MDN1: variants seen among roughly 807,000 people sequenced by gnomAD.
MDN1 encodes midasin AAA ATPase 1, also known as midasin.
MDN1 carries 266 observed loss-of-function variants against 669.2 expected under a neutral mutation model. That is an observed-to-expected ratio of 0.40 (90% CI 0.36 to 0.44). The LOEUF is 0.44. Among genes scored for constraint, MDN1 ranks in the 20% least tolerant of loss-of-function variants. The probability of loss-of-function intolerance (pLI) is 1.00; values close to 1 mark genes in which losing one functional copy is unlikely to be tolerated. For missense variants in MDN1, 5,940 were observed against 6,754.0 expected, an observed-to-expected ratio of 0.88 and a Z score of 4.22; for synonymous variants, 2,385 against 2,457.1, an observed-to-expected ratio of 0.97 and a Z score of 0.87.
chr6:89,715,822 TCTTTC>T, intron 44 of MDN1, 53 bp from the exon 45 acceptor site: 1 of 1,199,384 alleles, frequency 8.3e-7, no homozygotes, highest in East Asian at 2.3e-5. Flanking sequence ...CATTGACTCT[TCTTTC>T]CTTCCATGCA....
intron 38 of MDN1, among the ~76,000 whole-genome samples, 174 bp downstream of exon 38, chr6:89,725,025 A>C (rs761815985): frequency 3.3e-5 from 5 of 152,294 alleles, no homozygotes; most frequent in African/African-American, 4.8e-5. Context: ...AAGATGAAGG[A>C]CAGAAGCAAT....
At chr6:89,724,632 A>C (rs1815087254) in intron 38 of MDN1, among the ~76,000 whole-genome samples, 1 of 152,248 alleles carries the variant, frequency 6.6e-6, no homozygotes, top group Non-Finnish European at 1.5e-5. Context: ...CATAAGAGAC[A>C]GTGACACTAA....
rs1554188772 is a variant in MDN1, at chr6:89,734,691, A to AAGAGAGAGAG, written c.4724-1926_4724-1917dup. Among the ~76,000 whole-genome samples, 3 of 112,986 alleles carry AAGAGAGAGAG rather than the reference A, an allele frequency of 2.7e-5. 1 individual carries two copies. Among genetic ancestry groups the AAGAGAGAGAG allele is most frequent in the African/African-American group, 3.5e-5 (1 of 28,874 alleles). The allele number at this position is 112,986 out of a possible 152,430, so 74.1% of individuals were successfully genotyped here. A position where few individuals can be genotyped will look rare whatever the true frequency, so the allele number is the denominator to read the frequency against. On this transcript the variant is annotated intron_variant, in intron 33 of 101. Transcript: ENST00000369393. Reference sequence around the variant, plus strand: ...AGAAGAAAAAAAAAAAAAAAAAAACAAGAGAGAGAGAGAGAGAGAGAGAGA... The same window carrying AAGAGAGAGAG: ...AGAAGAAAAAAAAAAAAAAAAAAACAAGAGAGAGAGAGAGAGAGAGAGAGAGAGAGAGAGA...
intron 26 of MDN1, among the ~76,000 whole-genome samples, chr6:89,748,154 G>A (rs1438544351): frequency 4.6e-5 from 7 of 152,006 alleles, no homozygotes; most frequent in Admixed American, 2.0e-4. Context: ...GTGAAACCCC[G>A]TCTCTACTAA....
intron 80 of MDN1, among the ~76,000 whole-genome samples, chr6:89,672,993 GGAAAACAGACAGTGA>G (rs1477363199): frequency 6.6e-6 from 1 of 152,054 alleles, no homozygotes; most frequent in Non-Finnish European, 1.5e-5. Context: ...TCAATCTAAG[GGAAAACAGACAGTGA>G]GCTGATGCTG....
In MDN1 at chr6:89,707,467, T is replaced by C; in HGVS notation, c.7908A>G (p.Ile2636Met). ...LLESAANKTI[I>M]YLDREKRVFT... ...AAACCCGTTTTTCCCGGTCAAGATA[T>C]ATGATTGTCCTGGAATGAGATTCAA... The change falls in exon 52 of 102, where the codon ATA becomes ATG. Residue 2636 changes from isoleucine to methionine, a missense_variant. Coordinates refer to ENST00000369393, the MANE Select transcript of MDN1 (RefSeq NM_014611.3). The C allele has an allele frequency of 6.2e-7, 1 of 1,606,504 alleles. No homozygotes were observed. Among genetic ancestry groups the C allele is most frequent in the Non-Finnish European group, 8.5e-7 (1 of 1,173,142 alleles).
chr6:89,819,420 G>T, intron 1 of MDN1, 86 bp downstream of exon 1: 1 of 1,265,484 alleles, frequency 7.9e-7, no homozygotes, highest in South Asian at 1.3e-5. Context: ...CACTTAAAGC[G>T]GCGAGTATCG....
At chr6:89,764,672 C>T (rs1817713081) in intron 15 of MDN1, among the ~76,000 whole-genome samples, 1 of 152,026 alleles carries the variant, frequency 6.6e-6, no homozygotes. Context: ...CTAAGTCAAG[C>T]AAGGATGTGA....
Position 89,674,396 on chromosome 6 carries a change from C to T in MDN1, c.12955G>A (p.Gly4319Ser). 1 of 1,614,210 alleles carries T rather than the reference C, an allele frequency of 6.2e-7. No homozygotes were observed. The highest frequency in any genetic ancestry group is 1.7e-5 in the Admixed American group (1 of 60,034). The change falls in exon 79 of 102, where the codon GGC becomes AGC. Residue 4319 changes from glycine to serine, a missense_variant. Around this residue, in one of 5 missense-constraint regions of MDN1, gnomAD observed 2,280 missense variants for 2,576.3 expected, o/e 0.88. Coordinates refer to ENST00000369393, the MANE Select transcript of MDN1 (RefSeq NM_014611.3). ...CCCAGTACCTGGACATTGCCATGGC[C>T]TGGAGCTGGCCCTACACTGGGGCAG... ...QCCPSVGPAPGHGNVQVLGQP... is the reference protein window; with the variant it reads ...QCCPSVGPAPSHGNVQVLGQP...
intron 86 of MDN1, 94 bp downstream of exon 86, chr6:89,662,698 A>G: frequency 7.4e-7 from 1 of 1,348,604 alleles, no homozygotes; most frequent in Non-Finnish European, 1.0e-6. Flanking sequence ...AAACAAATAC[A>G]GAAAAAGAAG....
intron 63 of MDN1, among the ~76,000 whole-genome samples, 199 bp downstream of exon 63, chr6:89,692,244 T>TA (rs1812420819): frequency 1.3e-5 from 2 of 152,154 alleles, no homozygotes; most frequent in Admixed American, 1.3e-4. Context: ...CATTTTTTTT[T>TA]AATCTCTTAA....
intron 53 of MDN1, 69 bp downstream of exon 53, chr6:89,705,990 C>T: frequency 7.2e-7 from 1 of 1,396,976 alleles, no homozygotes; most frequent in Admixed American, 2.2e-5. Context: ...TAGTCTTAGC[C>T]CTAAGAATCT....
chr6:89,790,943 A>C (rs1819236903), intron 5 of MDN1, among the ~76,000 whole-genome samples: 1 of 152,106 alleles, frequency 6.6e-6, no homozygotes, highest in South Asian at 2.1e-4. Flanking sequence ...GAATCACTTG[A>C]ACCCAGAAGG....
Position 89,713,293 on chromosome 6 carries a change from G to A in MDN1, c.7073C>T (p.Ser2358Phe), listed in dbSNP as rs115030787. Reference protein sequence around the residue: ...HTETRSTVVGSPTSSVSTLIQ... With the variant: ...HTETRSTVVGFPTSSVSTLIQ... ...TAGAGTTGATACAGAAGATGTTGGA[G>A]AACCTATTAAAAAAAAATTGCCATC... The change falls in exon 47 of 102, where the codon TCT becomes TTT. Residue 2358 changes from serine to phenylalanine, a missense_variant. Transcript: ENST00000369393. 2.5e-6 allele frequency: 4 copies of A among 1,603,672 alleles called. No individual in the cohort carries two copies. In the East Asian group the frequency reaches 6.7e-5, roughly 27 times the overall value.
Position 89,772,664 on chromosome 6 carries a change from T to G in MDN1, c.1992A>C (p.Ala664=). ...CAGGCTCCCCTTTGCTGACACACAC[T>G]GCAAGCTGCTCGATGAGAACAGAGG... is the stretch of plus-strand genomic sequence containing the variant. ...RPSSVLIEQL[A]VCVSKGEPVL... Residue 664 remains alanine (A), a synonymous_variant, in exon 14 of 102, where the codon GCA becomes GCC. Coordinates refer to ENST00000369393, the MANE Select transcript of MDN1 (RefSeq NM_014611.3). 6.2e-7 allele frequency: 1 copy of G among 1,614,054 alleles called. No homozygotes were observed. The highest frequency in any genetic ancestry group is 8.5e-7 in the Non-Finnish European group (1 of 1,179,956).
rs10706907 is a variant in MDN1, at chr6:89,798,181, C to CAA, written c.330-3382_330-3381dup. 7.3e-3 allele frequency among the ~76,000 whole-genome samples: 524 copies of CAA among 71,400 alleles called. 5 individuals carry two copies. The highest frequency in any genetic ancestry group is 0.019 in the South Asian group (36 of 1,850). The allele number at this position is 71,400 out of a possible 152,430, so 46.8% of individuals were successfully genotyped here. A position where few individuals can be genotyped will look rare whatever the true frequency, so the allele number is the denominator to read the frequency against. On this transcript the variant is annotated intron_variant, in intron 2 of 101. Coordinates refer to ENST00000369393, the MANE Select transcript of MDN1 (RefSeq NM_014611.3). ...TGGGCGACAGAGCGAGACTCTGTCT[C>CAA]AAAAAAAAAAAAAAAAAAAAAGAAA...
rs113812765 is a variant in MDN1 at position 89,712,887 on chromosome 6, A to G, written c.7219-101T>C. On this transcript the variant is annotated intron_variant, in intron 47 of 101. Transcript: ENST00000369393. Reference sequence around the variant, plus strand: ...TAGTCCATGCGACCACCTCACAACAACTTTTAATACACTCTTCAATGAAAA... The same window carrying G: ...TAGTCCATGCGACCACCTCACAACAGCTTTTAATACACTCTTCAATGAAAA... 1.6e-4 allele frequency: 171 copies of G among 1,039,270 alleles called. No individual in the cohort carries two copies. The African/African-American group carries it at 2.1e-3, about 13-fold the overall frequency. 64.4% of individuals were successfully genotyped at this position (1,039,270 alleles called of 1,614,324 possible).
chr6:89,668,100 T>C lies in MDN1; in HGVS notation c.14008A>G (p.Thr4670Ala), dbSNP rs780115987. ...CCTCCCTCATAGTCATGGAACTCAG[T>C]TGCTCCCTCTCCAGCTGAATCTTCC... ...FMEDSAGEGA[T>A]EFHDYEGGGI... The change falls in exon 84 of 102, where the codon ACT (threonine) becomes GCT (alanine). Residue 4670 changes from threonine (T) to alanine (A), a missense_variant. By Grantham distance (58) the Thr-to-Ala change is moderately conservative. Around this residue, in one of 5 missense-constraint regions of MDN1, gnomAD observed 2,280 missense variants for 2,576.3 expected, o/e 0.88. Transcript: ENST00000369393. 6.8e-6 allele frequency: 11 copies of C among 1,614,020 alleles called. No individual in the cohort carries two copies. The highest frequency in any genetic ancestry group is 8.5e-6 in the Non-Finnish European group (10 of 1,180,006).
intron 1 of MDN1, among the ~76,000 whole-genome samples, chr6:89,810,926 T>C (rs1411248158): frequency 1.3e-5 from 2 of 152,118 alleles, no homozygotes; most frequent in East Asian, 1.9e-4. Context: ...GAGGCGGAGG[T>C]TGCAATGAGC....
Sources: gnomAD v4.1 joint callset for allele counts (sites outside exome capture counted in the v4.1 genomes callset) on GRCh38, gnomAD v4.1.1 for gene constraint, gnomAD v4.1.1 regional missense constraint, MANE v1.5 for transcripts, NCBI Gene and HGNC (gene_info 2026-07-23, HGNC 2026-07-21) for gene names.